AUTS2: variants seen among roughly 807,000 people sequenced by gnomAD.
AUTS2 encodes the protein autism susceptibility gene 2 protein.
In AUTS2, 17 loss-of-function variants were observed where a neutral mutation model predicts 112.4. The ratio of observed to expected loss-of-function variants is 0.15; its 90% confidence interval spans 0.10 to 0.23. The LOEUF (loss-of-function observed/expected upper bound fraction) is 0.23, where lower values mean the gene tolerates loss of function less well. AUTS2 is among the 10% of genes least tolerant of loss of function. The probability of loss-of-function intolerance (pLI) is 1.00; values close to 1 mark genes in which losing one functional copy is unlikely to be tolerated. For missense variants in AUTS2, 1,510 were observed against 1,701.6 expected (o/e 0.89, Z 1.98); for synonymous variants, 751 against 702.7 (o/e 1.07, Z -1.09).
rs1799111779 is a variant in AUTS2, at chr7:70,509,840, A to G, written c.690+74059A>G. Among the ~76,000 whole-genome samples, 4 of 152,178 alleles carry G rather than the reference A, an allele frequency of 2.6e-5. No individual in the cohort carries two copies. In the South Asian group the frequency reaches 8.3e-4, roughly 32 times the overall value. ...TTCCCGAATTGAGCAAAGCAGATAC[A>G]AAAAAAGTGAGCAAGACTCTCAGCC... On this transcript the variant is annotated intron_variant, in intron 5 of 18. Coordinates refer to ENST00000342771, the MANE Select transcript of AUTS2 (RefSeq NM_015570.4).
chr7:70,495,291 T>C (rs188783474), intron 5 of AUTS2, among the ~76,000 whole-genome samples: 30 of 149,706 alleles, frequency 2.0e-4, no homozygotes, highest in Admixed American at 1.9e-3. Flanking sequence ...CCCTTCTACT[T>C]AAACTAGGGA....
chr7:70,377,307 C>A lies in AUTS2; in HGVS notation c.661-58445C>A, dbSNP rs1793131580. ...AAAGTCAGCTGAATGGTGTTTGGGT[C>A]TCAAACAAACAAATATAAATATATA... On this transcript the variant is annotated intron_variant, in intron 4 of 18. Coordinates refer to ENST00000342771, the MANE Select transcript of AUTS2 (RefSeq NM_015570.4). Among the ~76,000 whole-genome samples, 6 of 109,554 alleles carry A rather than the reference C, an allele frequency of 5.5e-5. No individual in the cohort carries two copies. The South Asian group carries it at 1.8e-3, about 33-fold the overall frequency. The allele number at this position is 109,554 out of a possible 152,430, so 71.9% of individuals were successfully genotyped here.
At chr7:70,091,708 C>T (rs969450648) in intron 2 of AUTS2, among the ~76,000 whole-genome samples, 1 of 152,128 alleles carries the variant, frequency 6.6e-6, no homozygotes, top group Non-Finnish European at 1.5e-5. Context: ...GCTTCATAAG[C>T]CTGAAATGGT....
intron 6 of AUTS2, among the ~76,000 whole-genome samples, chr7:70,752,839 T>G (rs1788954939): frequency 6.6e-6 from 1 of 152,222 alleles, no homozygotes; most frequent in Admixed American, 6.5e-5. Flanking sequence ...TGGCTCTGTT[T>G]GCTTGAGACT....
chr7:70,787,313 A>C lies in AUTS2; in HGVS notation c.2413A>C (p.Thr805Pro), dbSNP rs1585694555. ...RLHRTPPSFPTPPPWLKPGEL... is the reference protein window; with the variant it reads ...RLHRTPPSFPPPPPWLKPGEL... Reference sequence around the variant, plus strand: ...GCACCGAACGCCTCCGTCGTTCCCGACCCCTCCGCCCTGGCTGAAGCCAGG... The same window carrying C: ...GCACCGAACGCCTCCGTCGTTCCCGCCCCCTCCGCCCTGGCTGAAGCCAGG... Residue 805 changes from threonine to proline, a missense_variant, in exon 18 of 19, where the codon ACC becomes CCC. Coordinates refer to ENST00000342771, the MANE Select transcript of AUTS2 (RefSeq NM_015570.4). The C allele has an allele frequency of 6.2e-7, 1 of 1,614,068 alleles. No individual in the cohort carries two copies. Among genetic ancestry groups the C allele is most frequent in the Non-Finnish European group, 8.5e-7 (1 of 1,180,000 alleles).
chr7:70,293,613 C>T (rs753562854), intron 4 of AUTS2: 1 of 152,108 alleles, frequency 6.6e-6, no homozygotes, highest in African/African-American at 2.4e-5. Flanking sequence ...GTTAGAACCA[C>T]ACCTTTTTCT....
intron 2 of AUTS2, among the ~76,000 whole-genome samples, chr7:69,941,238 T>A (rs572889022): frequency 2.6e-5 from 4 of 152,194 alleles, no homozygotes; most frequent in Non-Finnish European, 5.9e-5. Flanking sequence ...AAGCGTGGGA[T>A]GATCTGACAG....
intron 4 of AUTS2, among the ~76,000 whole-genome samples, chr7:70,296,840 A>G (rs866566147): frequency 7.8e-6 from 1 of 127,940 alleles, no homozygotes; most frequent in African/African-American, 2.9e-5. Context: ...CTGGGTATAC[A>G]TTTTTTTTTT....
intron 5 of AUTS2, among the ~76,000 whole-genome samples, chr7:70,446,784 A>G (rs1796336330): frequency 6.6e-6 from 1 of 152,112 alleles, no homozygotes; most frequent in Non-Finnish European, 1.5e-5. Context: ...AAGGGCCCTG[A>G]CTTCCTGCTC....
chr7:69,985,543 A>G (rs1798474927), intron 2 of AUTS2, among the ~76,000 whole-genome samples: 2 of 152,200 alleles, frequency 1.3e-5, no homozygotes, highest in Admixed American at 1.3e-4. Flanking sequence ...ATAAAATCCA[A>G]ATACTTGGTC....
intron 6 of AUTS2, among the ~76,000 whole-genome samples, chr7:70,727,262 T>G (rs1787093626): frequency 6.6e-6 from 1 of 152,080 alleles, no homozygotes; most frequent in African/African-American, 2.4e-5. Context: ...TGTACACAAG[T>G]GTGTTTTCAG....
intron 1 of AUTS2, among the ~76,000 whole-genome samples, chr7:69,877,564 C>G (rs1184188295): frequency 6.6e-6 from 1 of 151,994 alleles, no homozygotes; most frequent in Non-Finnish European, 1.5e-5. Context: ...ACCCCGTCAC[C>G]CAGGTACTAA....
chr7:70,412,143 C>T (rs1188594954), intron 4 of AUTS2, among the ~76,000 whole-genome samples: 1 of 152,028 alleles, frequency 6.6e-6, no homozygotes, highest in Non-Finnish European at 1.5e-5. Flanking sequence ...GATCCACCTG[C>T]CTCGGCCTCC....
At chr7:70,433,191 C>G (rs1201030323) in intron 4 of AUTS2, among the ~76,000 whole-genome samples, 2 of 152,158 alleles carry the variant, frequency 1.3e-5, no homozygotes, top group Non-Finnish European at 2.9e-5. Context: ...AATAACCATT[C>G]CCAGGGACAT....
chr7:69,787,684 G>A lies in AUTS2; in HGVS notation c.310-111602G>A, dbSNP rs368808743. On this transcript the variant is annotated intron_variant, in intron 1 of 18. Transcript: ENST00000342771. ...CCTGCCTCAGCTGTAATCCCAAGAAGCTGGGATTACAGGCGTGCCACCATA... is the reference window on the plus strand; with the variant it reads ...CCTGCCTCAGCTGTAATCCCAAGAAACTGGGATTACAGGCGTGCCACCATA... Among the ~76,000 whole-genome samples, 13 of 152,302 alleles carry A rather than the reference G, an allele frequency of 8.5e-5. 1 individual carries two copies. The Middle Eastern group carries it at 0.01, about 120-fold the overall frequency.
intron 4 of AUTS2, among the ~76,000 whole-genome samples, chr7:70,285,254 G>A (rs558137939): frequency 2.0e-5 from 3 of 152,288 alleles, no homozygotes; most frequent in South Asian, 2.1e-4. Context: ...TTCAGGAACC[G>A]TAATGACTGT....
intron 4 of AUTS2, among the ~76,000 whole-genome samples, chr7:70,270,836 G>C (rs1787656781): frequency 6.6e-6 from 1 of 152,134 alleles, no homozygotes; most frequent in Non-Finnish European, 1.5e-5. Context: ...ATGGAGGGAA[G>C]ACATATCATC....
intron 5 of AUTS2, among the ~76,000 whole-genome samples, chr7:70,659,572 A>G (rs553056775): frequency 1.3e-5 from 2 of 152,214 alleles, no homozygotes; most frequent in Middle Eastern, 3.4e-3. Flanking sequence ...CATTACACCT[A>G]TCTCCTAGAG....
At chr7:70,374,187 A>G (rs1311720931) in intron 4 of AUTS2, among the ~76,000 whole-genome samples, 1 of 152,214 alleles carries the variant, frequency 6.6e-6, no homozygotes, top group Non-Finnish European at 1.5e-5. Flanking sequence ...AAAAATCATT[A>G]ATGTCTCAAG....
Sources: allele counts gnomAD v4.1 joint callset (sites outside exome capture counted in the v4.1 genomes callset), GRCh38; gene constraint gnomAD v4.1.1; transcripts MANE v1.5; gene names NCBI Gene and HGNC (gene_info 2026-07-23, HGNC 2026-07-21).